Variants in BBOF1 observed in about 807,000 individuals in gnomAD.
The protein encoded by BBOF1 is basal body-orientation factor 1.
A neutral mutation model predicts 68.0 loss-of-function variants in BBOF1; 62 were observed. The ratio of observed to expected loss-of-function variants is 0.91; its 90% confidence interval spans 0.74 to 1.13. The LOEUF (loss-of-function observed/expected upper bound fraction) is 1.13, where lower values mean the gene tolerates loss of function less well. Among genes scored for constraint, BBOF1 ranks in the 50% most tolerant of loss-of-function variants. BBOF1 has a pLI of 0.00. For synonymous variants in BBOF1, 208 were observed against 198.8 expected (o/e 1.05, Z -0.39); for missense variants, 534 against 600.1 (o/e 0.89, Z 1.15).
At chr14:74,074,718 A>G (rs1241726461) in intron 9 of BBOF1, among the ~76,000 whole-genome samples, 1 of 152,214 alleles carries the variant, frequency 6.6e-6, no homozygotes, top group East Asian at 1.9e-4. Context: ...AAACCACTCT[A>G]AAGGTCATTA....
chr14:74,074,581 G>C (rs2139801247), intron 9 of BBOF1, among the ~76,000 whole-genome samples: 1 of 152,242 alleles, frequency 6.6e-6, no homozygotes, highest in African/African-American at 2.4e-5. Flanking sequence ...AGCGGTCTAT[G>C]AACCAAAAAA....
In BBOF1 at chr14:74,064,949, C is replaced by G; in HGVS notation, c.*250C>G. 1 of 1,594,562 alleles carries G rather than the reference C, an allele frequency of 6.3e-7. No homozygotes were observed. Among genetic ancestry groups the G allele is most frequent in the Non-Finnish European group, 8.6e-7 (1 of 1,163,842 alleles). On this transcript the variant is annotated 3_prime_UTR_variant, in exon 12 of 12. Transcript: ENST00000394009. ...AAACAGAACAAATCCGTGTCATATC[C>G]TAAGGACAAAGGAACTCTCCATTTA...
chr14:74,021,504 G>A (rs145326195), intron 1 of BBOF1, among the ~76,000 whole-genome samples: 48 of 151,828 alleles, frequency 3.2e-4, no homozygotes, highest in Non-Finnish European at 6.2e-4. Flanking sequence ...GTGGAGGATC[G>A]TTTGGGCCTG....
chr14:74,061,783 C>G (rs1010621751), intron 11 of BBOF1, among the ~76,000 whole-genome samples: 1 of 152,082 alleles, frequency 6.6e-6, no homozygotes, highest in Non-Finnish European at 1.5e-5. Context: ...TTAACTCTCT[C>G]TATATATAGA....
chr14:74,066,306 T>G (rs1260341998), downstream of BBOF1, among the ~76,000 whole-genome samples: 1 of 152,324 alleles, frequency 6.6e-6, no homozygotes, highest in East Asian at 1.9e-4. Context: ...TTTTTGCATT[T>G]TTAAATGGTT....
At chr14:74,027,385 C>CCTTTTT (rs2059456849) in intron 2 of BBOF1, among the ~76,000 whole-genome samples, 1 of 61,072 alleles carries the variant, frequency 1.6e-5, no homozygotes, top group African/African-American at 7.2e-5. Context: ...CCTCGCCCAG[C>CCTTTTT]TTTTTTTTTT....
downstream of BBOF1, chr14:74,066,777 A>G (rs760746001): frequency 2.5e-6 from 4 of 1,614,042 alleles, no homozygotes; most frequent in East Asian, 4.5e-5. Flanking sequence ...TTTTTCGTCC[A>G]TCAAGAAGGA....
At chr14:74,027,075 A>G (rs1197590451) in intron 2 of BBOF1, among the ~76,000 whole-genome samples, 1 of 147,794 alleles carries the variant, frequency 6.8e-6, no homozygotes, top group African/African-American at 2.5e-5. Flanking sequence ...TAAGGGAGAA[A>G]GGAAGCCTTT....
At position 74,019,482 on chromosome 14, in the gene BBOF1, C is replaced by T. The variant is rs866169416; in HGVS notation, c.4C>T (p.Pro2Ser). M[P>S]SKGKDKKKGK... ...CGGAGCCCCTGGGGAAGCCAAGATG[C>T]CGTCGAAGGGAAAGGACAAAAAGAA... The change falls in exon 1 of 12, where the codon CCG becomes TCG. Residue 2 changes from proline (P) to serine (S), a missense_variant. Pro to Ser is a moderately conservative substitution (Grantham distance 74, BLOSUM62 -1). Coordinates refer to ENST00000394009, the MANE Select transcript of BBOF1 (RefSeq NM_025057.3). The T allele has an allele frequency of 1.9e-6, 3 of 1,603,904 alleles. No individual in the cohort carries two copies. Among genetic ancestry groups the T allele is most frequent in the East Asian group, 2.3e-5 (1 of 44,334 alleles).
chr14:74,067,389 C>T (rs767066453), downstream of BBOF1: 2 of 1,613,296 alleles, frequency 1.2e-6, no homozygotes, highest in South Asian at 2.2e-5. Context: ...CCTGCATTGA[C>T]TCTCAGGTTT....
At chr14:74,071,836 C>A in intron 9 of BBOF1, 1 of 1,574,860 alleles carries the variant, frequency 6.3e-7, no homozygotes. Context: ...ATTCTGCGAT[C>A]TTTGCCTCCC....
intron 11 of BBOF1, among the ~76,000 whole-genome samples, chr14:74,064,203 CAGG>C (rs1244495509): frequency 2.0e-5 from 3 of 150,704 alleles, no homozygotes; most frequent in African/African-American, 7.3e-5. Flanking sequence ...GAGGCTGAGG[CAGG>C]AGAAGTGCTT....
intron 4 of BBOF1, among the ~76,000 whole-genome samples, chr14:74,035,922 A>G (rs1005207282): frequency 6.6e-6 from 1 of 152,152 alleles, no homozygotes; most frequent in African/African-American, 2.4e-5. Context: ...AGTCTGGCCC[A>G]CATTCCTAGC....
chr14:74,019,388 CA>C lies in BBOF1; in HGVS notation c.-90del, dbSNP rs2059192031. The C allele has an allele frequency of 6.7e-7, 1 of 1,488,350 alleles. No individual in the cohort carries two copies. The highest frequency in any genetic ancestry group is 1.3e-5 in the South Asian group (1 of 79,978). 92.2% of individuals were successfully genotyped at this position (1,488,350 alleles called of 1,614,324 possible). ...GTCAGCGGCGCGGGTGGGGCATTGCCAGCTCGGCGTCCCGGTTCCCTTGGAG... is the reference window on the plus strand; with the variant it reads ...GTCAGCGGCGCGGGTGGGGCATTGCCGCTCGGCGTCCCGGTTCCCTTGGAG... On this transcript the variant is annotated 5_prime_UTR_variant, in exon 1 of 12. Coordinates refer to ENST00000394009, the MANE Select transcript of BBOF1 (RefSeq NM_025057.3).
At chr14:74,040,929 C>G in intron 5 of BBOF1, 2 of 401,200 alleles carry the variant, frequency 5.0e-6, no homozygotes, top group Non-Finnish European at 4.4e-6. Context: ...GCTATGTGTA[C>G]TCCCATTATA....
In BBOF1 at chr14:74,080,518, C is replaced by T. The variant is rs139136596; in HGVS notation, n.1537-549C>T. Among the ~76,000 whole-genome samples, 465 of 152,168 alleles carry T rather than the reference C, an allele frequency of 3.1e-3. 2 individuals carry two copies. Among genetic ancestry groups the T allele is most frequent in the Middle Eastern group, 6.8e-3 (2 of 294 alleles). On this transcript the variant is annotated intron_variant and non_coding_transcript_variant, in intron 10 of 12. Transcript: ENST00000492026. The stretch of plus-strand genomic sequence containing the variant: ...AAGTACCTGGGACCACAGGTGCACA[C>T]GACCTCGCTCTCAGGCTCAAGTGAT...
downstream of BBOF1, chr14:74,067,446 C>T (rs1403035104): frequency 6.2e-7 from 1 of 1,614,092 alleles, no homozygotes; most frequent in African/African-American, 1.3e-5. Flanking sequence ...GCTTCTCCCA[C>T]AAGGACTGCT....
At chr14:74,019,649 T>A in intron 1 of BBOF1, 115 bp downstream of exon 1, 4 of 1,495,838 alleles carry the variant, frequency 2.7e-6, no homozygotes, top group Non-Finnish European at 3.6e-6. Context: ...TCCCCGGCTC[T>A]CCCGGCTTGT....
At chr14:74,068,617 C>G (rs144291711), downstream of BBOF1, among the ~76,000 whole-genome samples, 714 of 152,058 alleles carry the variant, frequency 4.7e-3, 2 homozygotes, top group African/African-American at 0.015. Flanking sequence ...GTGGCATGTG[C>G]TTGTATTCCC....
Sources: gnomAD v4.1 joint callset for allele counts (sites outside exome capture counted in the v4.1 genomes callset) on GRCh38, gnomAD v4.1.1 for gene constraint, MANE v1.5 for transcripts, NCBI Gene and HGNC (gene_info 2026-07-23, HGNC 2026-07-21) for gene names.